INPP5A: variants seen among roughly 807,000 people sequenced by gnomAD.
INPP5A encodes 43 kDa inositol polyphosphate 5-phophatase.
INPP5A carries 14 observed loss-of-function variants against 65.2 expected under a neutral mutation model. That is an observed-to-expected ratio of 0.21 (90% CI 0.14 to 0.34). INPP5A has a LOEUF of 0.34. INPP5A is among the 10% of genes least tolerant of loss of function. The pLI is 1.00. For synonymous variants in INPP5A, 207 were observed against 208.3 expected, an observed-to-expected ratio of 0.99 and a Z score of 0.05; for missense variants, 431 against 545.6, an observed-to-expected ratio of 0.79 and a Z score of 2.09.
rs1845546886 is a variant in INPP5A at position 132,706,999 on chromosome 10, A to C, written c.475-1314A>C. 6.6e-6 allele frequency among the ~76,000 whole-genome samples: 1 copy of C among 152,212 alleles called. No homozygotes were observed. Among genetic ancestry groups the C allele is most frequent in the African/African-American group, 2.4e-5 (1 of 41,460 alleles). On this transcript the variant is annotated intron_variant, in intron 6 of 15. Coordinates refer to ENST00000368594, the MANE Select transcript of INPP5A (RefSeq NM_005539.5). This position sits in a 1 kb window ranked among gnomAD's most constrained non-coding sequence, Gnocchi z 4.7. ...GGCACGTGCGCATACTGGAGGAGCC[A>C]AAGGGGACGGTGGCCAGTGGCAAGG...
At chr10:132,761,553 A>T (rs1390931760) in intron 11 of INPP5A, among the ~76,000 whole-genome samples, 1 of 149,882 alleles carries the variant, frequency 6.7e-6, no homozygotes, top group Non-Finnish European at 1.5e-5. Flanking sequence ...CTTGCTGAGG[A>T]TGGCATGGCT....
intron 1 of INPP5A, among the ~76,000 whole-genome samples, chr10:132,558,684 T>G (rs559791088): frequency 6.6e-6 from 1 of 152,346 alleles, no homozygotes; most frequent in East Asian, 1.9e-4. Flanking sequence ...GGCGGTAGCC[T>G]TGGCAGCATT....
rs1292270530 is a variant in INPP5A, at chr10:132,704,804, G to A, written c.475-3509G>A. On this transcript the variant is annotated intron_variant, in intron 6 of 15. Coordinates refer to ENST00000368594, the MANE Select transcript of INPP5A (RefSeq NM_005539.5). This position sits in a 1 kb window ranked among gnomAD's most constrained non-coding sequence, Gnocchi z 4.5. ...GGAGTGTGGAGGATGGAGGAAGGGC[G>A]TCTGGACAGGCGGCAGGCAGCTCCT... Among the ~76,000 whole-genome samples, 3 of 151,690 alleles carry A rather than the reference G, an allele frequency of 2.0e-5. No individual in the cohort carries two copies. The highest frequency in any genetic ancestry group is 2.9e-5 in the Non-Finnish European group (2 of 67,932).
intron 7 of INPP5A, 30 bp from the exon 8 acceptor site, chr10:132,710,307 G>A (rs1194614479): frequency 2.5e-6 from 4 of 1,611,046 alleles, no homozygotes; most frequent in Admixed American, 1.7e-5. Flanking sequence ...CCGGCCCTTG[G>A]TGACGTGTCC....
At chr10:132,710,589 G>A in intron 8 of INPP5A, 133 bp downstream of exon 8, 7 of 1,245,624 alleles carry the variant, frequency 5.6e-6, no homozygotes, top group Non-Finnish European at 6.7e-6. Context: ...CAGGTAGGTG[G>A]GGTGGACAGG....
intron 3 of INPP5A, among the ~76,000 whole-genome samples, chr10:132,648,053 C>A (rs939574601): frequency 1.3e-5 from 2 of 152,196 alleles, no homozygotes. Context: ...AAAACAAAAT[C>A]AAAATTCAGC....
chr10:132,734,228 A>C (rs3793673), intron 9 of INPP5A, among the ~76,000 whole-genome samples: 29,396 of 151,960 alleles, frequency 0.19, 2,954 homozygotes, highest in Non-Finnish European at 0.23. Flanking sequence ...CTGGACTGTC[A>C]TGGCAGGACC....
rs1590916689 is a variant in INPP5A at position 132,676,534 on chromosome 10, G to C, written c.307-13858G>C. Among the ~76,000 whole-genome samples the C allele has an allele frequency of 6.6e-6, 1 of 152,322 alleles. No individual in the cohort carries two copies. Among genetic ancestry groups the C allele is most frequent in the East Asian group, 1.9e-4 (1 of 5,188 alleles). On this transcript the variant is annotated intron_variant, in intron 4 of 15. Transcript: ENST00000368594. The surrounding 1 kb of genome is among the most constrained non-coding windows in gnomAD (Gnocchi z 4.0). ...TAGAGATTTCCCTTTTGAAAAGCAA[G>C]GTCCATGATAATGGGCTGAACACAA...
At chr10:132,576,305 C>G (rs1435941320) in intron 1 of INPP5A, among the ~76,000 whole-genome samples, 1 of 152,232 alleles carries the variant, frequency 6.6e-6, no homozygotes, top group Non-Finnish European at 1.5e-5. Flanking sequence ...CAGCACAGCT[C>G]CTGTCTGCAG....
chr10:132,592,787 T>C (rs1207696665), intron 1 of INPP5A, among the ~76,000 whole-genome samples: 1 of 152,266 alleles, frequency 6.6e-6, no homozygotes, highest in East Asian at 1.9e-4. Context: ...CAGGACTTTC[T>C]GTGCTGTGTA....
At chr10:132,696,778 G>A (rs1845350805) in intron 5 of INPP5A, among the ~76,000 whole-genome samples, 1 of 152,154 alleles carries the variant, frequency 6.6e-6, no homozygotes, top group Non-Finnish European at 1.5e-5. Context: ...CCTAGGGCTG[G>A]GCCGGGTCAC....
intron 9 of INPP5A, among the ~76,000 whole-genome samples, chr10:132,742,711 C>G (rs1353029725): frequency 1.3e-5 from 2 of 152,218 alleles, no homozygotes; most frequent in Non-Finnish European, 2.9e-5. Flanking sequence ...ACACCCAGCT[C>G]CGATGCTTCC....
intron 2 of INPP5A, among the ~76,000 whole-genome samples, chr10:132,618,908 C>T (rs1178945771): frequency 6.6e-6 from 1 of 152,194 alleles, no homozygotes; most frequent in African/African-American, 2.4e-5. Flanking sequence ...AGGCATCTGC[C>T]CCCATGATCC....
chr10:132,694,174 G>T (rs935688281), intron 5 of INPP5A, among the ~76,000 whole-genome samples: 1 of 152,114 alleles, frequency 6.6e-6, no homozygotes, highest in African/African-American at 2.4e-5. Context: ...ACCATATACA[G>T]CATGCTCATA....
chr10:132,775,351 A>T (rs1022253255), intron 12 of INPP5A, among the ~76,000 whole-genome samples: 37 of 151,888 alleles, frequency 2.4e-4, no homozygotes, highest in Admixed American at 2.6e-4. Flanking sequence ...CCCAGCAGGT[A>T]TGCTTTCAGA....
chr10:132,709,793 G>T (rs980353310), intron 7 of INPP5A, among the ~76,000 whole-genome samples: 7 of 152,226 alleles, frequency 4.6e-5, no homozygotes, highest in African/African-American at 1.7e-4. Flanking sequence ...CCAGCTGAAG[G>T]TGCTGAGGGT....
intron 1 of INPP5A, among the ~76,000 whole-genome samples, chr10:132,595,992 G>A (rs2071682148): frequency 6.6e-6 from 1 of 152,090 alleles, no homozygotes; most frequent in African/African-American, 2.4e-5. Flanking sequence ...AAGAAGGCAT[G>A]TGCTTTCTTT....
Position 132,698,956 on chromosome 10 carries a change from G to T in INPP5A, c.474+1037G>T, listed in dbSNP as rs1845390304. Among the ~76,000 whole-genome samples the T allele has an allele frequency of 2.0e-5, 3 of 152,238 alleles. No homozygotes were observed. Among genetic ancestry groups the T allele is most frequent in the Non-Finnish European group, 2.9e-5 (2 of 68,038 alleles). On this transcript the variant is annotated intron_variant, in intron 6 of 15. Transcript: ENST00000368594. The surrounding 1 kb of genome is among the most constrained non-coding windows in gnomAD (Gnocchi z 5.5). ...GGATGGGGTGCTCCTGTCACCCTGT[G>T]GCTCGGCCTCCTCATCCGTCTTCCC... is the stretch of plus-strand genomic sequence containing the variant.
At position 132,547,748 on chromosome 10, in the gene INPP5A, C is replaced by G. The variant is rs1268856774; in HGVS notation, c.75+9577C>G. Among the ~76,000 whole-genome samples the G allele has an allele frequency of 5.3e-5, 8 of 152,070 alleles. No homozygotes were observed. The highest frequency in any genetic ancestry group is 2.6e-4 in the Admixed American group (4 of 15,292). Reference sequence around the variant, plus strand: ...GGGTTTTCCTCCTTCACGGGACAGCCCGCGTGCCCCCAGCCCTGTGACGCG... The same window carrying G: ...GGGTTTTCCTCCTTCACGGGACAGCGCGCGTGCCCCCAGCCCTGTGACGCG... On this transcript the variant is annotated intron_variant, in intron 1 of 15. Coordinates refer to ENST00000368594, the MANE Select transcript of INPP5A (RefSeq NM_005539.5). This position sits in a 1 kb window ranked among gnomAD's most constrained non-coding sequence, Gnocchi z 5.5.
Sources: allele counts gnomAD v4.1 joint callset (sites outside exome capture counted in the v4.1 genomes callset), GRCh38; gene constraint gnomAD v4.1.1; non-coding constraint Gnocchi (gnomAD v3.1); transcripts MANE v1.5; gene names NCBI Gene and HGNC (gene_info 2026-07-23, HGNC 2026-07-21).